RPS6KC1: variants seen among roughly 807,000 people sequenced by gnomAD.
The protein encoded by RPS6KC1 is ribosomal protein S6 kinase C1, also known as inactive ribosomal protein S6 kinase delta-1.
Under a neutral mutation model 103.8 loss-of-function variants are expected in RPS6KC1, and 54 were observed. The ratio of observed to expected loss-of-function variants is 0.52; its 90% confidence interval spans 0.42 to 0.65. The LOEUF (loss-of-function observed/expected upper bound fraction) is 0.65. Among genes scored for constraint, RPS6KC1 ranks in the 30% least tolerant of loss-of-function variants. The pLI is 0.00. For missense variants in RPS6KC1, 1,151 were observed against 1,253.8 expected, an observed-to-expected ratio of 0.92 and a Z score of 1.24; for synonymous variants, 439 against 438.7, an observed-to-expected ratio of 1.00 and a Z score of -0.01.
chr1:213,721,721 C>A, the RPS6KC1 span, among the ~76,000 whole-genome samples: 1 of 152,206 alleles, frequency 6.6e-6, no homozygotes, highest in Non-Finnish European at 1.5e-5. Context: ...TTCTATCCTA[C>A]CACTGCACAC....
chr1:213,273,629 G>A lies in RPS6KC1; in HGVS notation c.*995G>A, dbSNP rs368110825. ...AAGAAGCAAAGGATCTCATCTAAAT[G>A]GAATTGAATGGCAGTCCTAGTTTGT... is the stretch of plus-strand genomic sequence containing the variant. On this transcript the variant is annotated 3_prime_UTR_variant, in exon 15 of 15. Transcript: ENST00000366960. 1.3e-5 allele frequency: 2 copies of A among 152,638 alleles called. No individual in the cohort carries two copies. Among genetic ancestry groups the A allele is most frequent in the East Asian group, 3.8e-4 (2 of 5,196 alleles). 9.5% of individuals were successfully genotyped at this position (152,638 alleles called of 1,614,324 possible). A position where few individuals can be genotyped will look rare whatever the true frequency, so the allele number is the denominator to read the frequency against.
At chr1:213,368,071 G>T in the RPS6KC1 span, among the ~76,000 whole-genome samples, 4,692 of 152,320 alleles carry the variant, frequency 0.031, 256 homozygotes, top group African/African-American at 0.11. Context: ...TGGGGAGTCT[G>T]AGATGCAAAC....
intron 12 of RPS6KC1, among the ~76,000 whole-genome samples, chr1:213,244,093 C>T (rs1022438073): frequency 1.3e-5 from 2 of 151,580 alleles, no homozygotes; most frequent in Non-Finnish European, 2.9e-5. Flanking sequence ...AGCACACTTA[C>T]ATTTTTTTTT....
chr1:213,555,637 T>C, the RPS6KC1 span, among the ~76,000 whole-genome samples: 2 of 152,168 alleles, frequency 1.3e-5, no homozygotes, highest in Non-Finnish European at 2.9e-5. Flanking sequence ...TGAATAGTAA[T>C]ATTTCTTTCT....
At position 213,094,875 on chromosome 1, in the gene RPS6KC1, A is replaced by G. The variant is rs115477787; in HGVS notation, c.263-9579A>G. Among the ~76,000 whole-genome samples the G allele has an allele frequency of 7.0e-3, 1,060 of 152,376 alleles. 13 individuals carry two copies. The highest frequency in any genetic ancestry group is 0.024 in the African/African-American group (1,004 of 41,578). On this transcript the variant is annotated intron_variant, in intron 3 of 14. Coordinates refer to ENST00000366960, the MANE Select transcript of RPS6KC1 (RefSeq NM_012424.6). The stretch of plus-strand genomic sequence containing the variant: ...GTTCAAGTCACAAAAATGATCAAAT[A>G]TCCTCATTCTGGTTACAATGAATGA...
chr1:213,671,698 C>A, the RPS6KC1 span, among the ~76,000 whole-genome samples: 1 of 152,042 alleles, frequency 6.6e-6, no homozygotes, highest in Non-Finnish European at 1.5e-5. Flanking sequence ...GCAGAAGAAT[C>A]GCTTGAACCT....
At chr1:213,259,863 T>C (rs1406270237) in intron 12 of RPS6KC1, among the ~76,000 whole-genome samples, 1 of 148,502 alleles carries the variant, frequency 6.7e-6, no homozygotes, top group East Asian at 2.1e-4. Context: ...CTCAGCCTCC[T>C]GAGTAGCTGG....
At chr1:213,385,331 C>T in the RPS6KC1 span, among the ~76,000 whole-genome samples, 2 of 152,148 alleles carry the variant, frequency 1.3e-5, no homozygotes, top group African/African-American at 4.8e-5. Context: ...TATTCCCATT[C>T]TACAGGTGAG....
the RPS6KC1 span, among the ~76,000 whole-genome samples, chr1:213,524,586 G>T: frequency 2.2e-3 from 331 of 152,300 alleles, 1 homozygote; most frequent in African/African-American, 7.4e-3. Context: ...GAAAGTATGG[G>T]CTTCAGAGTC....
the RPS6KC1 span, among the ~76,000 whole-genome samples, chr1:213,690,954 G>T: frequency 6.6e-6 from 1 of 152,052 alleles, no homozygotes. Flanking sequence ...CTCCTTGATT[G>T]TTTTATTTTT....
chr1:213,327,971 A>T, the RPS6KC1 span, among the ~76,000 whole-genome samples: 1 of 152,062 alleles, frequency 6.6e-6, no homozygotes, highest in Admixed American at 6.5e-5. Flanking sequence ...TGTTCACCCC[A>T]TCTGATTCTT....
intron 8 of RPS6KC1, among the ~76,000 whole-genome samples, chr1:213,189,088 G>A (rs932645719): frequency 6.6e-6 from 1 of 152,116 alleles, no homozygotes; most frequent in South Asian, 2.1e-4. Context: ...GTTCAAATCA[G>A]TATAATGTAG....
the RPS6KC1 span, among the ~76,000 whole-genome samples, chr1:213,519,034 A>G: frequency 6.6e-6 from 1 of 152,170 alleles, no homozygotes; most frequent in Non-Finnish European, 1.5e-5. Flanking sequence ...AATTTTATAT[A>G]ACAACTACAT....
At chr1:213,443,405 T>A in the RPS6KC1 span, among the ~76,000 whole-genome samples, 1 of 152,204 alleles carries the variant, frequency 6.6e-6, no homozygotes, top group Non-Finnish European at 1.5e-5. Flanking sequence ...GGTTGTACAG[T>A]GTACAACCTG....
the RPS6KC1 span, among the ~76,000 whole-genome samples, chr1:213,613,224 T>C: frequency 2.6e-5 from 4 of 152,214 alleles, no homozygotes; most frequent in South Asian, 2.1e-4. Context: ...GGAATAACTT[T>C]TGAGATAATT....
chr1:213,113,060 T>A (rs941382134), intron 4 of RPS6KC1, among the ~76,000 whole-genome samples: 3 of 152,232 alleles, frequency 2.0e-5, no homozygotes, highest in Admixed American at 1.3e-4. Context: ...TGATTTATAG[T>A]CCTTTGGGTA....
At chr1:213,209,982 T>C (rs1237202996) in intron 8 of RPS6KC1, among the ~76,000 whole-genome samples, 1 of 152,188 alleles carries the variant, frequency 6.6e-6, no homozygotes, top group African/African-American at 2.4e-5. Context: ...TTATAATTAG[T>C]GTGCAGTGAG....
chr1:213,146,615 C>T (rs535676957), intron 6 of RPS6KC1, among the ~76,000 whole-genome samples: 10 of 151,722 alleles, frequency 6.6e-5, no homozygotes, highest in East Asian at 5.8e-4. Flanking sequence ...TTAGTAGAGA[C>T]GGGGTTTCTC....
At chr1:213,491,265 C>T in the RPS6KC1 span, among the ~76,000 whole-genome samples, 10 of 152,080 alleles carry the variant, frequency 6.6e-5, no homozygotes, top group Admixed American at 2.0e-4. Context: ...TTTAATGGAG[C>T]GGCCAGGTGC....
Sources: gnomAD v4.1 joint callset for allele counts (sites outside exome capture counted in the v4.1 genomes callset) on GRCh38, gnomAD v4.1.1 for gene constraint, MANE v1.5 for transcripts, NCBI Gene and HGNC (gene_info 2026-07-23, HGNC 2026-07-21) for gene names.